AFAP1: variants seen among roughly 807,000 people sequenced by gnomAD.
AFAP1 encodes the protein actin filament associated protein 1.
AFAP1 carries 75 observed loss-of-function variants against 93.9 expected under a neutral mutation model. The ratio of observed to expected loss-of-function variants is 0.80; its 90% CI spans 0.66 to 0.97. The LOEUF (loss-of-function observed/expected upper bound fraction) is 0.97. Ranked by LOEUF, AFAP1 falls within the 50% of genes least tolerant of loss-of-function variation. The probability of loss-of-function intolerance (pLI) is 0.00; values close to 1 mark genes in which losing one functional copy is unlikely to be tolerated. For synonymous variants in AFAP1, 517 were observed against 430.7 expected (o/e 1.20, Z -2.48); for missense variants, 1,201 against 1,050.8 (o/e 1.14, Z -1.98).
intron 1 of AFAP1, among the ~76,000 whole-genome samples, chr4:7,873,692 G>A (rs529895831): frequency 3.9e-5 from 6 of 152,110 alleles, no homozygotes; most frequent in South Asian, 2.1e-4. Context: ...TGGGAAGCAC[G>A]CATGAAGCCC....
chr4:7,855,502 G>A lies in AFAP1; in HGVS notation c.298C>T (p.Leu100=). The part of the protein sequence containing the change: ...PEGYYEEAVP[L]SPGKAPEYIT... ...TATTCCGGAGCTTTTCCGGGGCTCA[G>A]CGGCACAGCTTCCTCATAATAACCT... The change falls in exon 4 of 18, where the codon CTG becomes TTG. Residue 100 remains leucine (L), a synonymous_variant. Coordinates refer to ENST00000420658, the MANE Select transcript of AFAP1 (RefSeq NM_001134647.2). The A allele has an allele frequency of 1.9e-6, 3 of 1,613,726 alleles. No homozygotes were observed. The highest frequency in any genetic ancestry group is 2.5e-6 in the Non-Finnish European group (3 of 1,179,796).
intron 9 of AFAP1, among the ~76,000 whole-genome samples, chr4:7,801,731 G>GTCACACATACCCCTGCCTCAAAAATA (rs2149032993): frequency 6.6e-6 from 1 of 150,722 alleles, no homozygotes; most frequent in South Asian, 2.1e-4. Context: ...CCTCAAAAAT[G>GTCACACATACCCCTGCCTCAAAAATA]TCACACATAC....
intron 12 of AFAP1, among the ~76,000 whole-genome samples, chr4:7,782,701 C>T (rs893024754): frequency 2.0e-5 from 3 of 152,184 alleles, no homozygotes; most frequent in African/African-American, 7.2e-5. Flanking sequence ...ATTCCTTTTA[C>T]CCCGTTGATA....
intron 6 of AFAP1, among the ~76,000 whole-genome samples, chr4:7,835,119 C>A (rs78230018): frequency 4.0e-5 from 2 of 50,260 alleles, no homozygotes; most frequent in African/African-American, 1.9e-4. Context: ...GAATGGACTG[C>A]GGGCGGCCTT....
chr4:7,933,040 A>AAC (rs1553858303), intron 1 of AFAP1, among the ~76,000 whole-genome samples: 81 of 118,888 alleles, frequency 6.8e-4, no homozygotes, highest in Non-Finnish European at 1.0e-3. Flanking sequence ...AAAAAAAAAA[A>AAC]GGGGGGGGAT....
In AFAP1 at chr4:7,865,979, C is replaced by A. The variant is rs533340390; in HGVS notation, c.225+2643G>T. On this transcript the variant is annotated intron_variant, in intron 3 of 17. Coordinates refer to ENST00000420658, the MANE Select transcript of AFAP1 (RefSeq NM_001134647.2). ...TGGCTCGATCTCAGCTCACTGCAAC[C>A]TCCGCCTCCTGGGTTCAAGCGATTC... Among the ~76,000 whole-genome samples the A allele has an allele frequency of 1.2e-4, 18 of 152,344 alleles. No individual in the cohort carries two copies. The South Asian group carries it at 3.5e-3, about 30-fold the overall frequency.
intron 17 of AFAP1, among the ~76,000 whole-genome samples, chr4:7,764,995 A>C (rs1006476676): frequency 9.2e-5 from 14 of 152,104 alleles, no homozygotes. Context: ...AGTCCCAGCT[A>C]CTCGGTAGGC....
At chr4:7,772,205 CGT>C (rs1395690247) in intron 16 of AFAP1, 5 of 152,238 alleles carry the variant, frequency 3.3e-5, no homozygotes, top group Admixed American at 3.3e-4. Flanking sequence ...GCCCTGCAGG[CGT>C]GTTTACTGCT....
intron 1 of AFAP1, among the ~76,000 whole-genome samples, chr4:7,897,603 C>T (rs1193524310): frequency 6.6e-6 from 1 of 152,058 alleles, no homozygotes. Context: ...TGGCTCAATG[C>T]ACCTCAGCCT....
Position 7,774,398 on chromosome 4 carries a change from G to A in AFAP1, c.2062+341C>T, listed in dbSNP as rs565161010. ...GCTGATCCCTCCTACCCGGTGACCA[G>A]AATCTACTGCGTCCTGCGGATACAG... On this transcript the variant is annotated intron_variant, in intron 15 of 17. Coordinates refer to ENST00000420658, the MANE Select transcript of AFAP1 (RefSeq NM_001134647.2). The A allele has an allele frequency of 3.1e-5, 8 of 261,098 alleles. 1 individual carries two copies. The South Asian group carries it at 3.6e-4, about 12-fold the overall frequency. The allele number at this position is 261,098 out of a possible 1,614,324, so 16.2% of individuals were successfully genotyped here. A position where few individuals can be genotyped will look rare whatever the true frequency, so the allele number is the denominator to read the frequency against.
intron 4 of AFAP1, among the ~76,000 whole-genome samples, chr4:7,850,366 G>A (rs28568794): frequency 6.6e-6 from 1 of 151,994 alleles, no homozygotes; most frequent in East Asian, 1.9e-4. Flanking sequence ...AATGTATTTC[G>A]TTTACACACA....
At chr4:7,769,778 T>C (rs1715165892) in intron 16 of AFAP1, among the ~76,000 whole-genome samples, 1 of 152,238 alleles carries the variant, frequency 6.6e-6, no homozygotes, top group Non-Finnish European at 1.5e-5. Flanking sequence ...GGAATATTGT[T>C]TTAGAACAGT....
intron 6 of AFAP1, among the ~76,000 whole-genome samples, chr4:7,834,789 G>A (rs1414311345): frequency 6.6e-6 from 1 of 152,238 alleles, no homozygotes; most frequent in Non-Finnish European, 1.5e-5. Flanking sequence ...CCCATAAGCA[G>A]GATGGAGACC....
intron 1 of AFAP1, among the ~76,000 whole-genome samples, chr4:7,893,547 C>G (rs187268366): frequency 1.5e-5 from 2 of 132,128 alleles, no homozygotes; most frequent in African/African-American, 5.8e-5. Context: ...CGCCACTGCA[C>G]TTCAGCCTGG....
chr4:7,816,841 A>G (rs903739062), intron 7 of AFAP1, among the ~76,000 whole-genome samples: 3 of 152,216 alleles, frequency 2.0e-5, no homozygotes, highest in African/African-American at 7.2e-5. Context: ...CCAGGCACAA[A>G]GGAACATGTG....
intron 12 of AFAP1, among the ~76,000 whole-genome samples, chr4:7,783,205 T>C (rs1057112046): frequency 6.6e-6 from 1 of 152,134 alleles, no homozygotes; most frequent in African/African-American, 2.4e-5. Flanking sequence ...AGTGGCACAA[T>C]CTCAGCTCAC....
chr4:7,871,814 T>C (rs548087229), intron 2 of AFAP1, 138 bp downstream of exon 2: 12 of 1,241,488 alleles, frequency 9.7e-6, no homozygotes, highest in Non-Finnish European at 1.3e-5. Context: ...GTGTAAACCC[T>C]CAATGAAAAC....
chr4:7,798,878 C>A (rs987693514), intron 10 of AFAP1: 11 of 990,456 alleles, frequency 1.1e-5, no homozygotes, highest in Non-Finnish European at 1.3e-5. Context: ...CCAGCATCTC[C>A]CTCTTCATTC....
At chr4:7,764,779 C>T (rs1380870295) in intron 17 of AFAP1, among the ~76,000 whole-genome samples, 1 of 151,990 alleles carries the variant, frequency 6.6e-6, no homozygotes, top group East Asian at 1.9e-4. Context: ...TGACAACAGC[C>T]CTGCAAGGTG....
Sources: gnomAD v4.1 joint callset for allele counts (sites outside exome capture counted in the v4.1 genomes callset) on GRCh38, gnomAD v4.1.1 for gene constraint, MANE v1.5 for transcripts, NCBI Gene and HGNC (gene_info 2026-07-23, HGNC 2026-07-21) for gene names.